CPM: variants seen among roughly 807,000 people sequenced by gnomAD.
CPM encodes the protein renal carboxypeptidase.
Under a neutral mutation model 46.4 loss-of-function variants are expected in CPM, and 35 were observed. The ratio of observed to expected loss-of-function variants is 0.75; its 90% CI spans 0.58 to 1.00. CPM has a LOEUF of 1.00. CPM is among the 50% of genes least tolerant of loss of function. CPM has a pLI of 0.00. For synonymous variants in CPM, 195 were observed against 195.3 expected (o/e 1.00, Z 0.01); for missense variants, 422 against 530.4 (o/e 0.80, Z 2.01).
At chr12:68,861,165 T>G (rs1885193298) in intron 7 of CPM, among the ~76,000 whole-genome samples, 1 of 152,066 alleles carries the variant, frequency 6.6e-6, no homozygotes. Context: ...GGATTATAGG[T>G]GTGAGCCACC....
chr12:68,856,172 A>G lies in CPM; in HGVS notation c.*265T>C. ...CAAGTTTTAACTTCTTACACATTTT[A>G]AGACTACTTCAAGATTAATTTGAGT... On this transcript the variant is annotated 3_prime_UTR_variant, in exon 9 of 9. Coordinates refer to ENST00000551568, the MANE Select transcript of CPM (RefSeq NM_198320.5). 2.4e-6 allele frequency: 1 copy of G among 409,540 alleles called. No individual in the cohort carries two copies. The highest frequency in any genetic ancestry group is 2.0e-5 in the African/African-American group (1 of 50,714). 25.4% of individuals were successfully genotyped at this position (409,540 alleles called of 1,614,324 possible).
At chr12:68,866,316 G>GACTC (rs1885440697) in intron 7 of CPM, among the ~76,000 whole-genome samples, 1 of 151,618 alleles carries the variant, frequency 6.6e-6, no homozygotes, top group Non-Finnish European at 1.5e-5. Flanking sequence ...AAATTAGGGG[G>GACTC]ACTCTGGATG....
downstream of CPM, chr12:68,847,452 C>CTTTTTTTTTTTTTTTTTT (rs772905678): frequency 3.2e-4 from 28 of 88,692 alleles, 3 homozygotes; most frequent in African/African-American, 1.5e-3. Context: ...TATCTCCTTT[C>CTTTTTTTTTTTTTTTTTT]TTTTTTTTTT....
At chr12:68,868,511 C>A (rs1885555554) in intron 6 of CPM, among the ~76,000 whole-genome samples, 1 of 152,142 alleles carries the variant, frequency 6.6e-6, no homozygotes, top group African/African-American at 2.4e-5. Context: ...TCCCCTGAGG[C>A]ATGGAAATCC....
chr12:68,922,903 G>A (rs902555255), intron 2 of CPM, among the ~76,000 whole-genome samples: 3 of 152,058 alleles, frequency 2.0e-5, no homozygotes, highest in African/African-American at 7.3e-5. Flanking sequence ...CTAGACAGAA[G>A]TGTTTTTTGT....
chr12:68,938,675 A>C (rs534981197), intron 1 of CPM, among the ~76,000 whole-genome samples: 3 of 152,100 alleles, frequency 2.0e-5, no homozygotes, highest in Non-Finnish European at 2.9e-5. Flanking sequence ...GTATAATTTA[A>C]AAAATGTTAA....
At position 68,940,266 on chromosome 12, in the gene CPM, G is replaced by T. The variant is rs986736262; in HGVS notation, c.-3-7426C>A. Among the ~76,000 whole-genome samples the T allele has an allele frequency of 8.6e-5, 13 of 151,940 alleles. No homozygotes were observed. In the East Asian group the frequency reaches 2.5e-3, roughly 29 times the overall value. On this transcript the variant is annotated intron_variant, in intron 1 of 8. Transcript: ENST00000546373. ...ATTATTAACATCTTGGCGTTAGCGT[G>T]TCACATCTGTTAAAATTGATGAGCC...
intron 3 of CPM, among the ~76,000 whole-genome samples, chr12:68,873,360 C>T (rs1447183967): frequency 6.6e-6 from 1 of 152,140 alleles, no homozygotes. Flanking sequence ...TCCTAATGAA[C>T]ACAGAATAAT....
At chr12:68,900,667 A>C (rs968619058) in intron 2 of CPM, among the ~76,000 whole-genome samples, 7 of 152,196 alleles carry the variant, frequency 4.6e-5, no homozygotes, top group African/African-American at 1.7e-4. Flanking sequence ...CCTGTGGTAC[A>C]CTCAGACAAT....
In CPM at chr12:68,896,146, A is replaced by T. The variant is rs992881364; in HGVS notation, c.161-10257T>A. Among the ~76,000 whole-genome samples the T allele has an allele frequency of 2.0e-5, 3 of 152,054 alleles. No individual in the cohort carries two copies. The East Asian group carries it at 5.8e-4, about 29-fold the overall frequency. On this transcript the variant is annotated intron_variant, in intron 2 of 8. Transcript: ENST00000551568. ...GTAACTCCCTGCCTTGACACCTTTA[A>T]TACCTGCTCTTTCTTCTGCATGGAT... is the stretch of plus-strand genomic sequence containing the variant.
chr12:68,915,941 GTGT>G (rs1887786447), intron 2 of CPM, among the ~76,000 whole-genome samples: 1 of 152,168 alleles, frequency 6.6e-6, no homozygotes, highest in African/African-American at 2.4e-5. Flanking sequence ...GAAGGAAAAT[GTGT>G]AAAGGGCCTA....
At chr12:68,936,699 C>G (rs1420726734), upstream of CPM, among the ~76,000 whole-genome samples, 1 of 152,100 alleles carries the variant, frequency 6.6e-6, no homozygotes, top group African/African-American at 2.4e-5. Context: ...GGTGATCTTT[C>G]TAAGTATGGC....
upstream of CPM, among the ~76,000 whole-genome samples, chr12:68,936,426 C>G (rs1888673248): frequency 6.6e-6 from 1 of 152,040 alleles, no homozygotes; most frequent in Admixed American, 6.5e-5. Context: ...CTCTGTTGCC[C>G]AGGCTGGAGT....
At chr12:68,886,011 T>G (rs540362493) in intron 2 of CPM, 122 bp from the exon 3 acceptor site, 2 of 744,468 alleles carry the variant, frequency 2.7e-6, no homozygotes, top group East Asian at 5.3e-5. Context: ...TCATGGTGAC[T>G]TAAGTTTGTA....
chr12:68,896,014 G>A (rs1031998221), intron 2 of CPM, among the ~76,000 whole-genome samples: 4 of 152,156 alleles, frequency 2.6e-5, no homozygotes, highest in African/African-American at 7.2e-5. Context: ...CCCTCAGCAT[G>A]CACACCAGAC....
chr12:68,961,114 A>C (rs1889104271), intron 1 of CPM, among the ~76,000 whole-genome samples: 2 of 152,158 alleles, frequency 1.3e-5, no homozygotes, highest in Admixed American at 6.5e-5. Context: ...AAGGATGAGA[A>C]GAGTCATGAG....
chr12:68,860,630 G>A (rs913913794), intron 7 of CPM, among the ~76,000 whole-genome samples: 1 of 151,932 alleles, frequency 6.6e-6, no homozygotes, highest in Non-Finnish European at 1.5e-5. Context: ...TTTACACTGT[G>A]CCCCCCTTAG....
At chr12:68,864,265 T>C (rs951937620) in intron 7 of CPM, among the ~76,000 whole-genome samples, 2 of 152,108 alleles carry the variant, frequency 1.3e-5, no homozygotes, top group Non-Finnish European at 2.9e-5. Flanking sequence ...GGCAATATGG[T>C]GAAACCCTGT....
At chr12:68,887,668 G>A (rs1421591863) in intron 2 of CPM, among the ~76,000 whole-genome samples, 1 of 152,094 alleles carries the variant, frequency 6.6e-6, no homozygotes, top group Non-Finnish European at 1.5e-5. Flanking sequence ...GCACAAATAA[G>A]CCACATGCTC....
Sources: allele counts gnomAD v4.1 joint callset (sites outside exome capture counted in the v4.1 genomes callset), GRCh38; gene constraint gnomAD v4.1.1; transcripts MANE v1.5; gene names NCBI Gene and HGNC (gene_info 2026-07-23, HGNC 2026-07-21).